The following NTNG1 variants were observed in gnomAD, a reference collection of about 807,000 sequenced individuals.
NTNG1 encodes the protein netrin-G1.
NTNG1 carries 16 observed loss-of-function variants against 54.0 expected under a neutral mutation model. The ratio of observed to expected loss-of-function variants is 0.30; its 90% CI spans 0.20 to 0.45. The LOEUF is 0.45. Among genes scored for constraint, NTNG1 ranks in the 20% least tolerant of loss-of-function variants. The pLI is 1.00. For missense variants in NTNG1, 530 were observed against 678.7 expected, an observed-to-expected ratio of 0.78 and a Z score of 2.43; for synonymous variants, 255 against 263.1, an observed-to-expected ratio of 0.97 and a Z score of 0.30.
chr1:107,427,183 C>T (rs370905133), intron 5 of NTNG1, among the ~76,000 whole-genome samples: 149 of 152,124 alleles, frequency 9.8e-4, no homozygotes, highest in African/African-American at 3.5e-3. Flanking sequence ...CTTTCTCTTG[C>T]CTGATAGCTC....
intron 3 of NTNG1, among the ~76,000 whole-genome samples, chr1:107,346,206 A>G (rs2101941888): frequency 6.6e-6 from 1 of 152,344 alleles, no homozygotes; most frequent in East Asian, 1.9e-4. Flanking sequence ...CATCAGTAAT[A>G]CAGCTCTGGA....
intron 2 of NTNG1, among the ~76,000 whole-genome samples, chr1:107,196,887 T>C (rs902013417): frequency 6.6e-6 from 1 of 151,914 alleles, no homozygotes; most frequent in Non-Finnish European, 1.5e-5. Flanking sequence ...ATGTCATATT[T>C]TTCTATAATA....
chr1:107,363,081 T>G (rs999963290), intron 3 of NTNG1, among the ~76,000 whole-genome samples: 8 of 152,234 alleles, frequency 5.3e-5, no homozygotes, highest in Non-Finnish European at 1.2e-4. Context: ...TATTGCTGCT[T>G]CTTTTTAAAA....
At chr1:107,411,141 A>G (rs1201363024) in intron 5 of NTNG1, among the ~76,000 whole-genome samples, 1 of 152,190 alleles carries the variant, frequency 6.6e-6, no homozygotes, top group East Asian at 1.9e-4. Context: ...ATGATGTTAT[A>G]TGAAGCATAG....
chr1:107,415,530 CA>C (rs1353557998), intron 5 of NTNG1, among the ~76,000 whole-genome samples: 1 of 152,108 alleles, frequency 6.6e-6, no homozygotes, highest in Non-Finnish European at 1.5e-5. Flanking sequence ...GAGAAATTAA[CA>C]GCCAGATAGC....
At chr1:107,411,603 T>C (rs1365660394) in intron 5 of NTNG1, among the ~76,000 whole-genome samples, 1 of 152,180 alleles carries the variant, frequency 6.6e-6, no homozygotes, top group African/African-American at 2.4e-5. Flanking sequence ...TTTTTTCCCC[T>C]TTGCTTTAAT....
chr1:107,291,646 T>C (rs1413389434), intron 2 of NTNG1, among the ~76,000 whole-genome samples: 1 of 152,212 alleles, frequency 6.6e-6, no homozygotes, highest in Non-Finnish European at 1.5e-5. Context: ...AGAAATTTTA[T>C]ATTATACCCT....
At chr1:107,161,953 T>C (rs978457153) in intron 2 of NTNG1, among the ~76,000 whole-genome samples, 1 of 151,688 alleles carries the variant, frequency 6.6e-6, no homozygotes, top group African/African-American at 2.4e-5. Context: ...AAAAAAACTA[T>C]TCTGTAACTT....
At chr1:107,152,139 T>A (rs1338009615) in intron 2 of NTNG1, among the ~76,000 whole-genome samples, 1 of 152,136 alleles carries the variant, frequency 6.6e-6, no homozygotes, top group Non-Finnish European at 1.5e-5. Flanking sequence ...ATTTTCTTTT[T>A]AATTTGATAT....
chr1:107,394,004 C>T (rs985880499), intron 3 of NTNG1, among the ~76,000 whole-genome samples: 2 of 151,822 alleles, frequency 1.3e-5, no homozygotes, highest in Admixed American at 6.6e-5. Flanking sequence ...CTGGAAGAGG[C>T]CATGTTTCTC....
At chr1:107,212,020 A>C (rs1341959103) in intron 2 of NTNG1, among the ~76,000 whole-genome samples, 1 of 152,132 alleles carries the variant, frequency 6.6e-6, no homozygotes, top group African/African-American at 2.4e-5. Context: ...AAAGAGCTTA[A>C]ATCTCTTTAT....
chr1:107,148,543 C>A lies in NTNG1; in HGVS notation c.-51C>A, dbSNP rs1159186380. On this transcript the variant is annotated 5_prime_UTR_variant, in exon 2 of 8. Transcript: ENST00000370068. ...TGTAAACTAGACAAAGATCGCAGAT[C>A]ATAAAGCAAGCTCTGCTTTAGTTTC... 1 of 1,580,812 alleles carries A rather than the reference C, an allele frequency of 6.3e-7. No homozygotes were observed. The highest frequency in any genetic ancestry group is 1.7e-5 in the Admixed American group (1 of 59,232).
chr1:107,451,760 CTGTT>C (rs1480236427), intron 7 of NTNG1, among the ~76,000 whole-genome samples: 1 of 152,126 alleles, frequency 6.6e-6, no homozygotes, highest in Admixed American at 6.6e-5. Context: ...CATTTATTGA[CTGTT>C]TGAATCCTGC....
chr1:107,258,104 C>A (rs1390595021), intron 2 of NTNG1, among the ~76,000 whole-genome samples: 1 of 152,110 alleles, frequency 6.6e-6, no homozygotes, highest in Non-Finnish European at 1.5e-5. Context: ...ATGGCATTGG[C>A]AGTCTTGCCC....
intron 3 of NTNG1, among the ~76,000 whole-genome samples, chr1:107,358,038 T>C (rs1670045420): frequency 6.6e-6 from 1 of 152,176 alleles, no homozygotes; most frequent in African/African-American, 2.4e-5. Context: ...TTCGAATACA[T>C]GGTTAAAATT....
At chr1:107,358,005 CA>C (rs902854219) in intron 3 of NTNG1, among the ~76,000 whole-genome samples, 4 of 152,076 alleles carry the variant, frequency 2.6e-5, no homozygotes, top group African/African-American at 9.7e-5. Flanking sequence ...AATTTCTGAC[CA>C]CTCAAATAAT....
intron 7 of NTNG1, among the ~76,000 whole-genome samples, chr1:107,473,143 A>G (rs1042739476): frequency 6.6e-6 from 1 of 152,312 alleles, no homozygotes; most frequent in Middle Eastern, 3.4e-3. Context: ...TATTAATACA[A>G]CCATCAAGAA....
chr1:107,337,373 T>C (rs959569961), intron 3 of NTNG1, among the ~76,000 whole-genome samples: 1 of 152,050 alleles, frequency 6.6e-6, no homozygotes, highest in Non-Finnish European at 1.5e-5. Flanking sequence ...AGGACAAATG[T>C]TACATGATAT....
intron 7 of NTNG1, among the ~76,000 whole-genome samples, chr1:107,479,255 A>G (rs931848400): frequency 1.3e-5 from 2 of 152,218 alleles, no homozygotes; most frequent in African/African-American, 4.8e-5. Context: ...AAGCTCATTG[A>G]CACACAAAGC....
Sources: gnomAD v4.1 joint callset for allele counts (sites outside exome capture counted in the v4.1 genomes callset) on GRCh38, gnomAD v4.1.1 for gene constraint, MANE v1.5 for transcripts, NCBI Gene and HGNC (gene_info 2026-07-23, HGNC 2026-07-21) for gene names.